Variants in SNX29 observed in about 807,000 individuals in gnomAD.
The protein encoded by SNX29 is sorting nexin 29, also known as sorting nexin-29.
A neutral mutation model predicts 102.1 loss-of-function variants in SNX29; 78 were observed. The ratio of observed to expected loss-of-function variants is 0.76; its 90% CI spans 0.64 to 0.92. The LOEUF is 0.92. Ranked by LOEUF, SNX29 falls within the 40% of genes least tolerant of loss-of-function variation. SNX29 has a pLI of 0.00. For missense variants in SNX29, 1,280 were observed against 1,061.7 expected (o/e 1.21, Z -2.86); for synonymous variants, 580 against 414.5 (o/e 1.40, Z -4.85).
chr16:12,176,940 T>C (rs1834599145), intron 13 of SNX29, among the ~76,000 whole-genome samples: 1 of 152,032 alleles, frequency 6.6e-6, no homozygotes, highest in African/African-American at 2.4e-5. Flanking sequence ...TTCAGGGTTT[T>C]TTTTTGTTTC....
In SNX29 at chr16:12,469,375, G is replaced by A. The variant is rs115078375; in HGVS notation, c.2038-8344G>A. The stretch of plus-strand genomic sequence containing the variant: ...ATGAAGCCATTTCATTAAAAGGAAA[G>A]TTTTGTTAGGATACATTAACACAGG... On this transcript the variant is annotated intron_variant, in intron 18 of 20. Transcript: ENST00000566228. Among the ~76,000 whole-genome samples, 404 of 152,318 alleles carry A rather than the reference G, an allele frequency of 2.7e-3. 1 individual carries two copies. Among genetic ancestry groups the A allele is most frequent in the African/African-American group, 8.8e-3 (364 of 41,564 alleles).
At chr16:12,552,678 T>G (rs560839974) in intron 20 of SNX29, among the ~76,000 whole-genome samples, 1 of 151,918 alleles carries the variant, frequency 6.6e-6, no homozygotes, top group African/African-American at 2.4e-5. Flanking sequence ...ATGCAGGGCG[T>G]TTACAAGGGT....
At chr16:12,560,400 C>G (rs989785169) in intron 20 of SNX29, among the ~76,000 whole-genome samples, 1 of 152,132 alleles carries the variant, frequency 6.6e-6, no homozygotes, top group East Asian at 1.9e-4. Context: ...CTTTAATCCC[C>G]AAAAGCCACA....
chr16:12,538,192 C>G (rs138039606), intron 20 of SNX29, among the ~76,000 whole-genome samples: 5 of 152,160 alleles, frequency 3.3e-5, no homozygotes, highest in East Asian at 1.9e-4. Flanking sequence ...CTAGGCTCAC[C>G]GCAAGCTCTG....
At chr16:12,538,892 G>C (rs923150842) in intron 20 of SNX29, among the ~76,000 whole-genome samples, 5 of 144,722 alleles carry the variant, frequency 3.5e-5, no homozygotes, top group African/African-American at 1.1e-4. Flanking sequence ...CACTTGCACA[G>C]ATTAATGACC....
rs13337395 is a variant in SNX29 at position 12,139,266 on chromosome 16, C to T, written c.1595+9508C>T. Reference sequence around the variant, plus strand: ...AGCATCTCCTGCCTGATCGTGAGACCGATCAGGTCCCTCTGAGATACGCTT... The same window carrying T: ...AGCATCTCCTGCCTGATCGTGAGACTGATCAGGTCCCTCTGAGATACGCTT... On this transcript the variant is annotated intron_variant, in intron 13 of 20. Coordinates refer to ENST00000566228, the MANE Select transcript of SNX29 (RefSeq NM_032167.5). 3.9e-3 allele frequency among the ~76,000 whole-genome samples: 581 copies of T among 150,570 alleles called. 8 individuals carry two copies. The highest frequency in any genetic ancestry group is 0.013 in the African/African-American group (541 of 40,862).
chr16:12,220,948 AT>A (rs1409096699), intron 14 of SNX29, among the ~76,000 whole-genome samples: 1 of 152,142 alleles, frequency 6.6e-6, no homozygotes, highest in Non-Finnish European at 1.5e-5. Context: ...AGCGCTGCAC[AT>A]TTTCTAAAAA....
intron 11 of SNX29, among the ~76,000 whole-genome samples, chr16:12,082,668 C>G (rs2151362104): frequency 6.6e-6 from 1 of 152,302 alleles, no homozygotes; most frequent in Admixed American, 6.5e-5. Flanking sequence ...GTCACCATGT[C>G]TGCATTTGAG....
At chr16:12,543,743 G>C (rs536690233) in intron 20 of SNX29, among the ~76,000 whole-genome samples, 16 of 152,354 alleles carry the variant, frequency 1.1e-4, no homozygotes, top group African/African-American at 3.1e-4. Flanking sequence ...CAGTGGAGTT[G>C]ACTGGGGGAG....
chr16:12,274,048 G>A (rs1264789693), intron 14 of SNX29, among the ~76,000 whole-genome samples: 1 of 152,164 alleles, frequency 6.6e-6, no homozygotes, highest in East Asian at 1.9e-4. Flanking sequence ...TCCCTTTTGT[G>A]TTGCATCCCC....
intron 13 of SNX29, among the ~76,000 whole-genome samples, chr16:12,158,090 T>G (rs1479895446): frequency 6.6e-6 from 1 of 152,178 alleles, no homozygotes; most frequent in Non-Finnish European, 1.5e-5. Context: ...GCTGCTTTTT[T>G]TTTTTTAGAG....
At chr16:12,533,821 C>T (rs146510373) in intron 20 of SNX29, among the ~76,000 whole-genome samples, 1 of 152,336 alleles carries the variant, frequency 6.6e-6, no homozygotes, top group East Asian at 1.9e-4. Flanking sequence ...GGATCAGCCA[C>T]TCCTCACCAG....
intron 17 of SNX29, 64 bp from the exon 18 acceptor site, chr16:12,403,384 T>C: frequency 6.7e-7 from 1 of 1,488,932 alleles, no homozygotes; most frequent in South Asian, 1.2e-5. Flanking sequence ...TCCTCTTTTT[T>C]ATTTTTTATT....
chr16:12,176,482 T>C lies in SNX29; in HGVS notation c.1596-23119T>C, dbSNP rs780885471. On this transcript the variant is annotated intron_variant, in intron 13 of 20. Coordinates refer to ENST00000566228, the MANE Select transcript of SNX29 (RefSeq NM_032167.5). ...TTCAACCAACTGCAGATTGAAAATA[T>C]TCAGGAAGAACATACAAAATATCAA... 2.0e-3 allele frequency among the ~76,000 whole-genome samples: 308 copies of C among 152,340 alleles called. 1 individual carries two copies. The highest frequency in any genetic ancestry group is 3.2e-3 in the Non-Finnish European group (216 of 68,024).
intron 18 of SNX29, among the ~76,000 whole-genome samples, chr16:12,441,453 A>G (rs1185580515): frequency 6.6e-6 from 1 of 151,960 alleles, no homozygotes; most frequent in Non-Finnish European, 1.5e-5. Context: ...TTTCTTATCC[A>G]TTCATCTCCT....
intron 18 of SNX29, among the ~76,000 whole-genome samples, chr16:12,421,646 C>T (rs929678237): frequency 6.6e-6 from 1 of 152,116 alleles, no homozygotes; most frequent in African/African-American, 2.4e-5. Flanking sequence ...ATGGGAAGTT[C>T]TTAGGAAACA....
In SNX29 at chr16:12,043,060, C is replaced by T. The variant is rs545063504; in HGVS notation, c.411C>T (p.Ala137=). 29 of 1,613,316 alleles carry T rather than the reference C, an allele frequency of 1.8e-5. No homozygotes were observed. Among genetic ancestry groups the T allele is most frequent in the Middle Eastern group, 1.8e-4 (1 of 5,638 alleles). ...SLERYLHMLL[A]DRCRLSTFYE... ...AGCGCTACCTGCACATGCTCCTGGC[C>T]GACCGCTGCAGGCTGAGGTACGTGG... Residue 137 remains alanine, a synonymous_variant, in exon 5 of 21, where the codon GCC becomes GCT. Coordinates refer to ENST00000566228, the MANE Select transcript of SNX29 (RefSeq NM_032167.5).
chr16:12,424,853 G>C (rs1407116214), intron 18 of SNX29, among the ~76,000 whole-genome samples: 2 of 152,174 alleles, frequency 1.3e-5, no homozygotes, highest in Admixed American at 1.3e-4. Flanking sequence ...CTAGCTTCTT[G>C]TCATCATGGA....
At chr16:12,270,142 G>T (rs2079048754) in intron 14 of SNX29, among the ~76,000 whole-genome samples, 1 of 152,120 alleles carries the variant, frequency 6.6e-6, no homozygotes. Flanking sequence ...GATTACAGAT[G>T]TGAGCCACCA....
Sources: allele counts gnomAD v4.1 joint callset (sites outside exome capture counted in the v4.1 genomes callset), GRCh38; gene constraint gnomAD v4.1.1; transcripts MANE v1.5; gene names NCBI Gene and HGNC (gene_info 2026-07-23, HGNC 2026-07-21).